The following PTPRN2 variants were observed in gnomAD, a reference collection of about 807,000 sequenced individuals.
The protein encoded by PTPRN2 is protein tyrosine phosphatase receptor type N2.
Under a neutral mutation model 118.8 loss-of-function variants are expected in PTPRN2, and 74 were observed. The ratio of observed to expected loss-of-function variants is 0.62; its 90% confidence interval spans 0.52 to 0.76. The LOEUF is 0.76. Ranked by LOEUF, PTPRN2 falls within the 30% of genes least tolerant of loss-of-function variation. The pLI is 0.00. For missense variants in PTPRN2, 1,481 were observed against 1,394.4 expected (o/e 1.06, Z -0.99); for synonymous variants, 641 against 608.0 (o/e 1.05, Z -0.80).
intron 11 of PTPRN2, among the ~76,000 whole-genome samples, chr7:157,938,816 CA>C (rs1799878359): frequency 6.6e-6 from 1 of 152,186 alleles, no homozygotes; most frequent in Non-Finnish European, 1.5e-5. Context: ...TAGGATGATC[CA>C]ACCCTGGCAG....
At position 157,974,975 on chromosome 7, in the gene PTPRN2, G is replaced by A. The variant is rs1030110746; in HGVS notation, c.1724-76238C>T. Among the ~76,000 whole-genome samples the A allele has an allele frequency of 6.6e-6, 1 of 151,970 alleles. No individual in the cohort carries two copies. Among genetic ancestry groups the A allele is most frequent in the African/African-American group, 2.4e-5 (1 of 41,346 alleles). ...GCCCTAGTCAGAAATGCCTCCTGAC[G>A]CCTGTGACCTCTGGGCAGGGCTAGT... On this transcript the variant is annotated intron_variant, in intron 11 of 22. Coordinates refer to ENST00000389418, the MANE Select transcript of PTPRN2 (RefSeq NM_002847.5). The surrounding 1 kb of genome is among the most constrained non-coding windows in gnomAD (Gnocchi z 4.0).
chr7:158,356,198 T>C (rs1295071292), intron 2 of PTPRN2, among the ~76,000 whole-genome samples: 1 of 152,230 alleles, frequency 6.6e-6, no homozygotes, highest in African/African-American at 2.4e-5. Context: ...CAATACAAGC[T>C]GGTCATCACT....
chr7:158,073,389 C>A (rs1385367753), intron 11 of PTPRN2, among the ~76,000 whole-genome samples: 1 of 152,184 alleles, frequency 6.6e-6, no homozygotes, highest in Non-Finnish European at 1.5e-5. Context: ...GGGTGTGGGC[C>A]CATGCGTTGG....
chr7:157,747,375 C>T (rs201663315), intron 12 of PTPRN2, among the ~76,000 whole-genome samples: 47 of 92,884 alleles, frequency 5.1e-4, no homozygotes, highest in African/African-American at 1.1e-3. Flanking sequence ...GGCCTGCGTC[C>T]CTGAGCTGTG....
At chr7:158,274,203 CAG>C (rs1267294813) in intron 3 of PTPRN2, among the ~76,000 whole-genome samples, 2 of 130,518 alleles carry the variant, frequency 1.5e-5, no homozygotes, top group South Asian at 2.6e-4. Context: ...GCCGCAGACA[CAG>C]GGGGAGCCGC....
At chr7:158,072,359 T>G (rs1355103644) in intron 11 of PTPRN2, among the ~76,000 whole-genome samples, 2 of 152,054 alleles carry the variant, frequency 1.3e-5, no homozygotes, top group Admixed American at 6.5e-5. Flanking sequence ...TCATGTAAAT[T>G]TTCAAGAATG....
chr7:157,944,926 C>G lies in PTPRN2; in HGVS notation c.1724-46189G>C, dbSNP rs1428978060. Reference sequence around the variant, plus strand: ...TCCTGCCTAGTATTTATACAGTAAACAGAGACTCTGAAATAAACACCGTGC... The same window carrying G: ...TCCTGCCTAGTATTTATACAGTAAAGAGAGACTCTGAAATAAACACCGTGC... On this transcript the variant is annotated intron_variant, in intron 11 of 22. Coordinates refer to ENST00000389418, the MANE Select transcript of PTPRN2 (RefSeq NM_002847.5). The surrounding 1 kb of genome is among the most constrained non-coding windows in gnomAD (Gnocchi z 4.3). Among the ~76,000 whole-genome samples, 1 of 152,236 alleles carries G rather than the reference C, an allele frequency of 6.6e-6. No individual in the cohort carries two copies. Among genetic ancestry groups the G allele is most frequent in the Non-Finnish European group, 1.5e-5 (1 of 68,038 alleles).
chr7:158,077,356 T>C (rs1300382299), intron 11 of PTPRN2, among the ~76,000 whole-genome samples: 5 of 152,194 alleles, frequency 3.3e-5, no homozygotes, highest in Non-Finnish European at 7.4e-5. Flanking sequence ...AAAGTCACCG[T>C]ACCTCTGAAT....
chr7:158,407,117 G>A lies in PTPRN2; in HGVS notation c.163+82618C>T, dbSNP rs571528755. 1.3e-4 allele frequency among the ~76,000 whole-genome samples: 20 copies of A among 150,368 alleles called. No individual in the cohort carries two copies. The South Asian group carries it at 3.2e-3, about 24-fold the overall frequency. ...AGACAAGCCCAGCCCTGGGTCCTGC[G>A]TCCTGGGTCCTGGGTCCTGCGTCCT... On this transcript the variant is annotated intron_variant, in intron 2 of 22. Transcript: ENST00000389418.
intron 3 of PTPRN2, among the ~76,000 whole-genome samples, chr7:158,291,659 G>A (rs1311064618): frequency 6.6e-6 from 1 of 152,192 alleles, no homozygotes; most frequent in East Asian, 1.9e-4. Flanking sequence ...TATTACTTCT[G>A]ATTTGTAATA....
chr7:158,266,099 G>A (rs75232827), intron 3 of PTPRN2, among the ~76,000 whole-genome samples: 28,111 of 111,796 alleles, frequency 0.25, 221 homozygotes, highest in African/African-American at 0.31. Flanking sequence ...GTGAGGCTGG[G>A]GACGGCGTCT....
At chr7:157,571,589 G>T in intron 19 of PTPRN2, 96 bp from the exon 20 acceptor site, 2 of 881,460 alleles carry the variant, frequency 2.3e-6, no homozygotes, top group Non-Finnish European at 3.5e-6. Context: ...CTGTGTGTTT[G>T]AAATCATTTT....
In PTPRN2 at chr7:157,944,064, G is replaced by T. The variant is rs1264052902; in HGVS notation, c.1724-45327C>A. Among the ~76,000 whole-genome samples the T allele has an allele frequency of 1.3e-5, 2 of 152,198 alleles. No individual in the cohort carries two copies. The highest frequency in any genetic ancestry group is 2.9e-5 in the Non-Finnish European group (2 of 68,038). On this transcript the variant is annotated intron_variant, in intron 11 of 22. Transcript: ENST00000389418. This position sits in a 1 kb window ranked among gnomAD's most constrained non-coding sequence, Gnocchi z 4.3. ...TCTAAGGGAGCACTGGGCTTCATTTGACATTTCCAGTAAGTATCAAAAGCT... is the reference window on the plus strand; with the variant it reads ...TCTAAGGGAGCACTGGGCTTCATTTTACATTTCCAGTAAGTATCAAAAGCT...
intron 12 of PTPRN2, among the ~76,000 whole-genome samples, chr7:157,697,338 G>T (rs1267271639): frequency 7.1e-6 from 1 of 140,596 alleles, no homozygotes; most frequent in Non-Finnish European, 1.5e-5. Flanking sequence ...ATGCATACTG[G>T]ATCTTAGTAG....
At position 157,974,548 on chromosome 7, in the gene PTPRN2, C is replaced by T. The variant is rs1231519311; in HGVS notation, c.1724-75811G>A. Among the ~76,000 whole-genome samples the T allele has an allele frequency of 1.3e-5, 2 of 152,192 alleles. No individual in the cohort carries two copies. The highest frequency in any genetic ancestry group is 6.5e-5 in the Admixed American group (1 of 15,296). On this transcript the variant is annotated intron_variant, in intron 11 of 22. Coordinates refer to ENST00000389418, the MANE Select transcript of PTPRN2 (RefSeq NM_002847.5). The surrounding 1 kb of genome is among the most constrained non-coding windows in gnomAD (Gnocchi z 4.0). ...GGGACGATGTGACTGGGGGCTCGTC[C>T]ATGCCTTGTCGTGGACATCTCTGGT...
rs1021201250 is a variant in PTPRN2, at chr7:158,497,516, G to A, written c.113-7731C>T. Among the ~76,000 whole-genome samples, 15 of 152,034 alleles carry A rather than the reference G, an allele frequency of 9.9e-5. 1 individual carries two copies. Among genetic ancestry groups the A allele is most frequent in the South Asian group, 4.1e-4 (2 of 4,820 alleles). On this transcript the variant is annotated intron_variant, in intron 1 of 22. Transcript: ENST00000389418. ...GTTGACACACATGGCTGCATTCCTC[G>A]CAGAGGAGGGTCCACAGCCAAATTG...
chr7:157,704,546 C>G (rs1253710264), intron 12 of PTPRN2, among the ~76,000 whole-genome samples: 2 of 152,218 alleles, frequency 1.3e-5, no homozygotes, highest in Non-Finnish European at 2.9e-5. Flanking sequence ...TGGGCCCGCC[C>G]TGCCCCATGC....
chr7:158,272,942 G>A (rs922362117), intron 3 of PTPRN2, among the ~76,000 whole-genome samples: 2 of 152,204 alleles, frequency 1.3e-5, no homozygotes, highest in African/African-American at 4.8e-5. Flanking sequence ...TCTGCTGACA[G>A]TCCCACGGTT....
At chr7:158,091,266 A>G (rs1814098981) in intron 10 of PTPRN2, among the ~76,000 whole-genome samples, 1 of 152,248 alleles carries the variant, frequency 6.6e-6, no homozygotes, top group Non-Finnish European at 1.5e-5. Flanking sequence ...GACAGGCCTC[A>G]GGTACTAGAT....
Sources: allele counts gnomAD v4.1 joint callset (sites outside exome capture counted in the v4.1 genomes callset), GRCh38; gene constraint gnomAD v4.1.1; non-coding constraint Gnocchi (gnomAD v3.1); transcripts MANE v1.5; gene names NCBI Gene and HGNC (gene_info 2026-07-23, HGNC 2026-07-21).